The following TTI1 variants were observed in gnomAD, a reference collection of about 807,000 sequenced individuals.
TTI1 encodes TELO2-interacting protein 1 homolog.
In TTI1, 52 loss-of-function variants were observed where a neutral mutation model predicts 85.4. The observed-to-expected ratio is 0.61, with a 90% CI of 0.49 to 0.77. TTI1 has a LOEUF of 0.77. Ranked by LOEUF, TTI1 falls within the 30% of genes least tolerant of loss-of-function variation. The pLI is 0.00. For synonymous variants in TTI1, 512 were observed against 503.9 expected (o/e 1.02, Z -0.22); for missense variants, 1,173 against 1,296.0 (o/e 0.91, Z 1.46).
At chr20:37,994,267 G>A (rs1038006429) in intron 7 of TTI1, among the ~76,000 whole-genome samples, 4 of 152,122 alleles carry the variant, frequency 2.6e-5, no homozygotes, top group African/African-American at 9.7e-5. Flanking sequence ...CCAATTAGCT[G>A]GAATTACAGG....
At chr20:37,984,329 C>G (rs750099591) in intron 7 of TTI1, among the ~76,000 whole-genome samples, 32 of 152,204 alleles carry the variant, frequency 2.1e-4, no homozygotes, top group Admixed American at 2.6e-4. Flanking sequence ...AGAGATAGAG[C>G]ACTGATGTCC....
chr20:37,989,258 G>T (rs1285357326), intron 7 of TTI1, among the ~76,000 whole-genome samples: 2 of 152,050 alleles, frequency 1.3e-5, no homozygotes, highest in African/African-American at 4.8e-5. Context: ...TTCATCTATC[G>T]ATCTAACGCC....
intron 1 of TTI1, among the ~76,000 whole-genome samples, chr20:38,027,013 G>C (rs2073844813): frequency 1.3e-5 from 2 of 152,176 alleles, no homozygotes; most frequent in African/African-American, 2.4e-5. Flanking sequence ...CATACAAAGA[G>C]ATATACTCAG....
At chr20:37,990,415 T>C (rs372920066) in intron 7 of TTI1, among the ~76,000 whole-genome samples, 10 of 152,354 alleles carry the variant, frequency 6.6e-5, no homozygotes, top group East Asian at 5.8e-4. Flanking sequence ...TTCGGTCTTA[T>C]AGATGAGAAA....
At chr20:38,028,441 A>G (rs2073862813) in intron 1 of TTI1, among the ~76,000 whole-genome samples, 1 of 152,242 alleles carries the variant, frequency 6.6e-6, no homozygotes, top group Non-Finnish European at 1.5e-5. Context: ...GACAGAGTAC[A>G]ATGAATAACA....
intron 1 of TTI1, among the ~76,000 whole-genome samples, chr20:38,028,545 T>C (rs2073864077): frequency 6.6e-6 from 1 of 152,072 alleles, no homozygotes; most frequent in Non-Finnish European, 1.5e-5. Flanking sequence ...AGAAACAAAT[T>C]CACAATAGAT....
Position 38,012,374 on chromosome 20 carries a change from A to T in TTI1, c.1443T>A (p.Asp481Glu). 6.2e-7 allele frequency: 1 copy of T among 1,614,188 alleles called. No homozygotes were observed. Among genetic ancestry groups the T allele is most frequent in the Non-Finnish European group, 8.5e-7 (1 of 1,180,014 alleles). Reference sequence around the variant, plus strand: ...GCCTCAAGAGCATGAAGATTCTCTCATCAGTGAAGAAGCGGAAATATCTCC... The same window carrying T: ...GCCTCAAGAGCATGAAGATTCTCTCTTCAGTGAAGAAGCGGAAATATCTCC... ...IQRRYFRFFT[D>E]ERIFMLLRQV... Residue 481 changes from aspartate to glutamate, a missense_variant, in exon 2 of 8, where the codon GAT becomes GAA. Asp to Glu is a conservative substitution (Grantham distance 45). Coordinates refer to ENST00000373447, the MANE Select transcript of TTI1 (RefSeq NM_001303457.2).
Position 38,011,947 on chromosome 20 carries a change from T to C in TTI1, c.1870A>G (p.Ile624Val), listed in dbSNP as rs2073599062. 2.5e-6 allele frequency: 4 copies of C among 1,614,242 alleles called. No individual in the cohort carries two copies. The highest frequency in any genetic ancestry group is 1.6e-4 in the Middle Eastern group (1 of 6,062). The change falls in exon 2 of 8, where the codon ATC becomes GTC. Residue 624 changes from isoleucine (I) to valine (V), a missense_variant. Ile to Val is a conservative substitution (Grantham distance 29, BLOSUM62 3). Coordinates refer to ENST00000373447, the MANE Select transcript of TTI1 (RefSeq NM_001303457.2). ...SPTICSMNSNIWQICIQLEGI... is the reference protein window; with the variant it reads ...SPTICSMNSNVWQICIQLEGI... ...TCCAACTGAATGCATATTTGCCAGA[T>C]GTTACTGTTCATGGAGCAAATAGTG...
At chr20:37,987,464 T>TA in intron 7 of TTI1, 1 of 408,028 alleles carries the variant, frequency 2.5e-6, no homozygotes, top group Non-Finnish European at 4.9e-6. Context: ...TTTTAAAAAA[T>TA]ATATGTACAC....
rs892902637 is a variant in TTI1 at position 38,012,945 on chromosome 20, A to G, written c.872T>C (p.Ile291Thr). 3.1e-6 allele frequency: 5 copies of G among 1,614,052 alleles called. No individual in the cohort carries two copies. The African/African-American group carries it at 6.7e-5, about 22-fold the overall frequency. Reference protein sequence around the residue: ...KKTGDKLTILIKKIIECVSVH... With the variant: ...KKTGDKLTILTKKIIECVSVH... ...AGAAACACACTCAATTATCTTTTTA[A>G]TAAGGATAGTCAACTTGTCGCCAGT... The change falls in exon 2 of 8, where the codon ATT becomes ACT. Residue 291 changes from isoleucine to threonine, a missense_variant. Coordinates refer to ENST00000373447, the MANE Select transcript of TTI1 (RefSeq NM_001303457.2).
chr20:37,993,583 A>AGGGG (rs1206655043), intron 7 of TTI1, among the ~76,000 whole-genome samples: 1 of 152,118 alleles, frequency 6.6e-6, no homozygotes, highest in Non-Finnish European at 1.5e-5. Context: ...CACCTGCCAG[A>AGGGG]GGGGCCCACA....
chr20:38,024,714 C>T lies in TTI1; in HGVS notation c.-42+8690G>A, dbSNP rs553045957. 1.2e-4 allele frequency among the ~76,000 whole-genome samples: 19 copies of T among 152,306 alleles called. No homozygotes were observed. In the South Asian group the frequency reaches 3.9e-3, roughly 32 times the overall value. On this transcript the variant is annotated intron_variant, in intron 1 of 7. Coordinates refer to ENST00000373447, the MANE Select transcript of TTI1 (RefSeq NM_001303457.2). The stretch of plus-strand genomic sequence containing the variant: ...GCAAAGGCTGATTGGAGAGCCTAGA[C>T]TCCCACTCTCATAAGTCTGTAATGA...
At chr20:37,996,551 G>T in intron 6 of TTI1, 89 bp from the exon 7 acceptor site, 1 of 1,502,620 alleles carries the variant, frequency 6.7e-7, no homozygotes. Flanking sequence ...AACTGCAACA[G>T]CTAGGCAAGA....
At chr20:38,003,634 C>A (rs546349716) in intron 3 of TTI1, among the ~76,000 whole-genome samples, 2 of 151,702 alleles carry the variant, frequency 1.3e-5, no homozygotes, top group South Asian at 4.2e-4. Flanking sequence ...CGCCTGTAAT[C>A]TTAACTACTT....
intron 7 of TTI1, among the ~76,000 whole-genome samples, chr20:37,992,495 T>C (rs1390869221): frequency 6.6e-6 from 1 of 152,218 alleles, no homozygotes; most frequent in Non-Finnish European, 1.5e-5. Flanking sequence ...CAGGCTGGCC[T>C]GGAGCTCCTG....
intron 7 of TTI1, among the ~76,000 whole-genome samples, chr20:37,994,907 G>C (rs1490654829): frequency 6.6e-6 from 1 of 152,168 alleles, no homozygotes; most frequent in Non-Finnish European, 1.5e-5. Flanking sequence ...GAGAATATTA[G>C]CTTATTTGAT....
chr20:37,996,602 A>G (rs2073343257), intron 6 of TTI1, 140 bp from the exon 7 acceptor site: 1 of 1,396,226 alleles, frequency 7.2e-7, no homozygotes, highest in Non-Finnish European at 9.9e-7. Context: ...AGAACACATC[A>G]AGATAAATGG....
At chr20:38,022,250 C>T (rs979628245) in intron 1 of TTI1, among the ~76,000 whole-genome samples, 3 of 152,206 alleles carry the variant, frequency 2.0e-5, no homozygotes, top group Non-Finnish European at 2.9e-5. Context: ...CGCTCCTTTA[C>T]CACTTTCAGG....
At position 38,019,732 on chromosome 20, in the gene TTI1, T is replaced by C. The variant is rs74445829; in HGVS notation, c.-41-5875A>G. 3.1e-3 allele frequency among the ~76,000 whole-genome samples: 474 copies of C among 152,362 alleles called. 1 individual carries two copies. Among genetic ancestry groups the C allele is most frequent in the African/African-American group, 0.011 (448 of 41,584 alleles). ...AACAGCGATTACATTTGTGCAGAGT[T>C]TCTCAACAGCAGCACTATTGACATT... On this transcript the variant is annotated intron_variant, in intron 1 of 7. Transcript: ENST00000373447.
Sources: allele counts gnomAD v4.1 joint callset (sites outside exome capture counted in the v4.1 genomes callset), GRCh38; gene constraint gnomAD v4.1.1; transcripts MANE v1.5; gene names NCBI Gene and HGNC (gene_info 2026-07-23, HGNC 2026-07-21).